Variants in DPEP1 observed in about 807,000 individuals in gnomAD.
DPEP1 encodes the protein beta-lactamase.
Under a neutral mutation model 42.3 loss-of-function variants are expected in DPEP1, and 50 were observed. The ratio of observed to expected loss-of-function variants is 1.18; its 90% CI spans 0.94 to 1.50. The LOEUF (loss-of-function observed/expected upper bound fraction) is 1.50, where lower values mean the gene tolerates loss of function less well. DPEP1 is among the 40% of genes most tolerant of loss of function. The pLI, the probability that DPEP1 is intolerant of heterozygous loss-of-function variation, is 0.00. For synonymous variants in DPEP1, 297 were observed against 234.0 expected (o/e 1.27, Z -2.46); for missense variants, 663 against 553.0 (o/e 1.20, Z -1.99).
chr16:89,640,447 C>A (rs1208733424), downstream of DPEP1: 2 of 555,206 alleles, frequency 3.6e-6, no homozygotes, highest in Non-Finnish European at 4.6e-6. Flanking sequence ...GGCTGGAGGC[C>A]CTGAGTCGAG....
intron 1 of DPEP1, among the ~76,000 whole-genome samples, chr16:89,618,170 A>G (rs1390588093): frequency 6.6e-6 from 1 of 152,252 alleles, no homozygotes; most frequent in Non-Finnish European, 1.5e-5. Context: ...TAACTCATAC[A>G]GAATCAACAA....
chr16:89,621,934 G>A (rs1310353354), intron 1 of DPEP1, among the ~76,000 whole-genome samples: 7 of 152,164 alleles, frequency 4.6e-5, no homozygotes. Flanking sequence ...CATCCGAAAT[G>A]GCCACGGTGG....
Position 89,637,704 on chromosome 16 carries a change from C to T in DPEP1, c.926C>T (p.Pro309Leu). 1.2e-6 allele frequency: 2 copies of T among 1,612,944 alleles called. No individual in the cohort carries two copies. Among genetic ancestry groups the T allele is most frequent in the Non-Finnish European group, 1.7e-6 (2 of 1,179,950 alleles). The change falls in exon 9 of 11, where the codon CCA (proline) becomes CTA (leucine). Residue 309 changes from proline (P) to leucine (L), a missense_variant. Coordinates refer to ENST00000690203, the MANE Select transcript of DPEP1 (RefSeq NM_001389466.1). ...TTTGGTGGGGACTTTGATGGTGTTC[C>T]AAGGTAAGGGGCTGAGAGCTCTGTC... ...VGFGGDFDGV[P>L]RVPEGLEDVS...
chr16:89,627,804 C>T (rs942598034), intron 1 of DPEP1, among the ~76,000 whole-genome samples: 5 of 150,932 alleles, frequency 3.3e-5, no homozygotes, highest in Admixed American at 3.3e-4. Context: ...GGATTACGGG[C>T]AAGGGCCACC....
At chr16:89,631,682 C>G (rs1052595826) in intron 2 of DPEP1, among the ~76,000 whole-genome samples, 1 of 152,176 alleles carries the variant, frequency 6.6e-6, no homozygotes, top group Non-Finnish European at 1.5e-5. Context: ...ATGGCGAAAC[C>G]CTGTCTCTAC....
downstream of DPEP1, among the ~76,000 whole-genome samples, chr16:89,639,456 C>G: frequency 1.0e-5 from 1 of 98,088 alleles, no homozygotes; most frequent in Admixed American, 1.1e-4. Context: ...TGTGCACACC[C>G]CACCCCTGCA....
intron 2 of DPEP1, among the ~76,000 whole-genome samples, chr16:89,631,233 G>A (rs940430868): frequency 4.0e-5 from 6 of 150,084 alleles, no homozygotes; most frequent in African/African-American, 1.5e-4. Flanking sequence ...GTGCCCACCC[G>A]GCCCCCACCC....
At chr16:89,626,056 C>A (rs2059506886) in intron 1 of DPEP1, among the ~76,000 whole-genome samples, 1 of 152,324 alleles carries the variant, frequency 6.6e-6, no homozygotes, top group Middle Eastern at 3.4e-3. Context: ...AAGACATGTG[C>A]CTCCCTCTAC....
chr16:89,621,477 A>T (rs943310728), intron 1 of DPEP1, among the ~76,000 whole-genome samples: 3 of 152,082 alleles, frequency 2.0e-5, no homozygotes, highest in Non-Finnish European at 4.4e-5. Context: ...GCCAGAAGAG[A>T]GAGTCCGGGG....
upstream of DPEP1, chr16:89,613,371 G>A (rs998062450): frequency 1.6e-4 from 24 of 152,290 alleles, no homozygotes; most frequent in African/African-American, 5.6e-4. Context: ...AGGAAATGAG[G>A]AAGCTGCTGG....
At chr16:89,635,502 C>A (rs2059665160) in intron 2 of DPEP1, among the ~76,000 whole-genome samples, 1 of 152,190 alleles carries the variant, frequency 6.6e-6, no homozygotes, top group South Asian at 2.1e-4. Context: ...GCAATTTGAT[C>A]TTTAAACTGA....
rs192614447 is a variant in DPEP1 at position 89,627,342 on chromosome 16, G to A, written c.-106-2963G>A. ...TCACACCTGTAATCCCAGCACTGTG[G>A]GAGGCCGAGGAGGGCACATTATTTT... On this transcript the variant is annotated intron_variant, in intron 1 of 10. Coordinates refer to ENST00000690203, the MANE Select transcript of DPEP1 (RefSeq NM_001389466.1). Among the ~76,000 whole-genome samples the A allele has an allele frequency of 2.6e-3, 395 of 151,396 alleles. 3 individuals are homozygous for A. The highest frequency in any genetic ancestry group is 9.2e-3 in the African/African-American group (381 of 41,292).
rs760300794 is a variant in DPEP1 at position 89,630,426 on chromosome 16, T to G, written c.16T>G (p.Trp6Gly). The stretch of plus-strand genomic sequence containing the variant: ...GGACCCCACCATGTGGAGCGGATGG[T>G]GGCTGTGGCCCCTTGTGGCCGTCTG... MWSGW[W>G]LWPLVAVCTA... Residue 6 changes from tryptophan (W) to glycine (G), a missense_variant, in exon 2 of 11, where the codon TGG (tryptophan) becomes GGG (glycine). By Grantham distance (184) the Trp-to-Gly change is radical. Coordinates refer to ENST00000690203, the MANE Select transcript of DPEP1 (RefSeq NM_001389466.1). 8 of 1,610,182 alleles carry G rather than the reference T, an allele frequency of 5.0e-6. No individual in the cohort carries two copies. The highest frequency in any genetic ancestry group is 6.8e-6 in the Non-Finnish European group (8 of 1,178,462).
At chr16:89,623,774 C>A (rs948322751) in intron 1 of DPEP1, among the ~76,000 whole-genome samples, 6 of 152,036 alleles carry the variant, frequency 3.9e-5, no homozygotes, top group Non-Finnish European at 7.4e-5. Flanking sequence ...ACAGTGCAAC[C>A]CCTGCCTGAA....
chr16:89,627,566 C>G (rs1006713294), intron 1 of DPEP1, among the ~76,000 whole-genome samples: 1 of 149,594 alleles, frequency 6.7e-6, no homozygotes, highest in Non-Finnish European at 1.5e-5. Flanking sequence ...CCTACTGAGA[C>G]TCTGTCTCAG....
At chr16:89,638,009 C>G (rs560257544) in intron 10 of DPEP1, 38 bp downstream of exon 10, 1 of 1,609,054 alleles carries the variant, frequency 6.2e-7, no homozygotes, top group Admixed American at 1.7e-5. Flanking sequence ...CCCCCACCAC[C>G]ACCAGCAGGC....
At chr16:89,637,420 G>T (rs369022168) in intron 7 of DPEP1, 40 bp downstream of exon 7, 296 of 1,612,538 alleles carry the variant, frequency 1.8e-4, no homozygotes, top group Non-Finnish European at 2.4e-4. Context: ...GCCTCCCTGG[G>T]CAGGCCCTCC....
chr16:89,635,685 G>C (rs115379853), intron 2 of DPEP1, among the ~76,000 whole-genome samples: 1 of 152,186 alleles, frequency 6.6e-6, no homozygotes, highest in African/African-American at 2.4e-5. Flanking sequence ...CTGAGCTCCT[G>C]GCTCGGGGTT....
At chr16:89,623,266 G>A (rs535866676) in intron 1 of DPEP1, among the ~76,000 whole-genome samples, 131 of 151,910 alleles carry the variant, frequency 8.6e-4, no homozygotes, top group African/African-American at 3.1e-3. Flanking sequence ...TCCAGCCTGG[G>A]CAGCATAGCA....
Sources: gnomAD v4.1 joint callset for allele counts (sites outside exome capture counted in the v4.1 genomes callset) on GRCh38, gnomAD v4.1.1 for gene constraint, MANE v1.5 for transcripts, NCBI Gene and HGNC (gene_info 2026-07-23, HGNC 2026-07-21) for gene names.